PWWP2A: variants seen among roughly 807,000 people sequenced by gnomAD.
PWWP2A encodes the protein PWWP domain-containing protein 2A.
A neutral mutation model predicts 48.5 loss-of-function variants in PWWP2A; 18 were observed. That is an observed-to-expected ratio of 0.37 (90% confidence interval 0.26 to 0.55). The LOEUF is 0.55. Ranked by LOEUF, PWWP2A falls within the 20% of genes least tolerant of loss-of-function variation. The pLI, the probability that PWWP2A is intolerant of heterozygous loss-of-function variation, is 0.81. For synonymous variants in PWWP2A, 396 were observed against 387.7 expected, an observed-to-expected ratio of 1.02 and a Z score of -0.25; for missense variants, 867 against 976.4, an observed-to-expected ratio of 0.89 and a Z score of 1.49.
chr5:160,090,225 T>A, downstream of PWWP2A: 5 of 985,416 alleles, frequency 5.1e-6, no homozygotes, highest in Non-Finnish European at 6.0e-6. Flanking sequence ...ATTTGGTTTA[T>A]GCCACAACAG....
At chr5:160,110,365 T>C (rs939746430) in intron 1 of PWWP2A, among the ~76,000 whole-genome samples, 1 of 152,098 alleles carries the variant, frequency 6.6e-6, no homozygotes, top group Admixed American at 6.6e-5. Flanking sequence ...TTATTTCAGG[T>C]GTAATAATGG....
chr5:160,085,116 C>CTT lies in PWWP2A; in HGVS notation c.1550-4347_1550-4346insAA, dbSNP rs1754527139. 2.6e-5 allele frequency among the ~76,000 whole-genome samples: 4 copies of CTT among 152,132 alleles called. No individual in the cohort carries two copies. In the South Asian group the frequency reaches 8.3e-4, roughly 32 times the overall value. ...CAATCTTGGCTCACTGCAACCTCTG[C>CTT]CTCCTGGGTTCAAGTGATTCTCCTG... On this transcript the variant is annotated intron_variant, in intron 2 of 3. Coordinates refer to the PWWP2A transcript ENST00000456329.
downstream of PWWP2A, among the ~76,000 whole-genome samples, chr5:160,088,338 T>C (rs1285895777): frequency 6.6e-6 from 1 of 152,220 alleles, no homozygotes; most frequent in Admixed American, 6.5e-5. Context: ...GTTCAAGCAA[T>C]TCTCCTGACT....
At chr5:160,080,768 G>T in exon 3 of PWWP2A, 1 of 1,538,124 alleles carries the variant, frequency 6.5e-7, no homozygotes, top group South Asian at 1.2e-5. Flanking sequence ...CATTTGTTGA[G>T]ACCTATGGTA....
chr5:160,089,624 A>C, downstream of PWWP2A: 3 of 1,288,790 alleles, frequency 2.3e-6, no homozygotes, highest in Non-Finnish European at 3.0e-6. Flanking sequence ...GAAAGTAAAA[A>C]GGGAAAAATA....
downstream of PWWP2A, chr5:160,091,336 T>G: frequency 1.0e-6 from 1 of 978,672 alleles, no homozygotes; most frequent in Non-Finnish European, 1.2e-6. Context: ...CACACACAAA[T>G]AATTTGGATT....
Position 160,092,118 on chromosome 5 carries a change from T to C in PWWP2A, c.*264A>G. The C allele has an allele frequency of 1.7e-6, 2 of 1,175,356 alleles. No individual in the cohort carries two copies. The highest frequency in any genetic ancestry group is 2.1e-6 in the Non-Finnish European group (2 of 949,802). 72.8% of individuals were successfully genotyped at this position (1,175,356 alleles called of 1,614,324 possible). On this transcript the variant is annotated 3_prime_UTR_variant, in exon 2 of 2. Transcript: ENST00000307063. The stretch of plus-strand genomic sequence containing the variant: ...ACAAAAATTCAATTTCAGTTGAGGC[T>C]ATGGCTCCTATGCCTTGGGATGGTT...
At position 160,093,264 on chromosome 5, in the gene PWWP2A, A is replaced by G. The variant is rs750138485; in HGVS notation, c.1386T>C (p.Tyr462=). Residue 462 remains tyrosine, a synonymous_variant, in exon 2 of 2, where the codon TAT becomes TAC. Coordinates refer to ENST00000307063, the MANE Select transcript of PWWP2A (RefSeq NM_001130864.2). This position sits in a 1 kb window ranked among gnomAD's most constrained non-coding sequence, Gnocchi z 5.8. ...GAAGGGAACCTGAGCTAGGATTCTG[A>G]TATCGACGTGTGAAATGGACTTTTG... The part of the protein sequence containing the change: ...AHSKVHFTRR[Y]QNPSSGSLPP... 2.5e-6 allele frequency: 4 copies of G among 1,613,980 alleles called. No homozygotes were observed. Among genetic ancestry groups the G allele is most frequent in the Non-Finnish European group, 2.5e-6 (3 of 1,179,882 alleles).
chr5:160,113,090 G>A (rs1757758904), intron 1 of PWWP2A: 1 of 259,060 alleles, frequency 3.9e-6, no homozygotes, highest in African/African-American at 2.3e-5. Flanking sequence ...CCACGGAGAT[G>A]GAGGTTGCAG....
At chr5:160,098,656 C>T (rs2546961) in intron 1 of PWWP2A, among the ~76,000 whole-genome samples, 102,231 of 152,146 alleles carry the variant, frequency 0.67, 34,380 homozygotes, top group East Asian at 0.73. Context: ...AGATGTAAAA[C>T]AGATTTTCTA....
intron 1 of PWWP2A, chr5:160,113,362 C>T (rs1403908754): frequency 4.1e-6 from 4 of 981,226 alleles, no homozygotes; most frequent in Non-Finnish European, 4.8e-6. Context: ...GGAGGGGAAG[C>T]ATTTCAAATG....
intron 1 of PWWP2A, among the ~76,000 whole-genome samples, chr5:160,109,851 T>G (rs1279301529): frequency 8.6e-6 from 1 of 116,110 alleles, no homozygotes; most frequent in African/African-American, 3.0e-5. Flanking sequence ...ATCCAGAATG[T>G]AAAAAATTCT....
In PWWP2A at chr5:160,094,013, C is replaced by T; in HGVS notation, c.637G>A (p.Asp213Asn). 6.2e-7 allele frequency: 1 copy of T among 1,613,894 alleles called. No individual in the cohort carries two copies. Among genetic ancestry groups the T allele is most frequent in the Non-Finnish European group, 8.5e-7 (1 of 1,179,814 alleles). Reference protein sequence around the residue: ...VTVFPKREYKDKPEAMPLQSN... With the variant: ...VTVFPKREYKNKPEAMPLQSN... ...TGGAGCGGCATGGCTTCTGGTTTATCCTTATATTCCCTTTTGGGAAATACT... is the reference window on the plus strand; with the variant it reads ...TGGAGCGGCATGGCTTCTGGTTTATTCTTATATTCCCTTTTGGGAAATACT... Residue 213 changes from aspartate to asparagine, a missense_variant, in exon 2 of 2, where the codon GAT (aspartate) becomes AAT (asparagine). Asp to Asn is a conservative substitution (Grantham distance 23). This residue lies in a region of PWWP2A where 385 missense variants were observed against 396.9 expected (regional missense o/e 0.97). Transcript: ENST00000307063.
chr5:160,110,102 C>T (rs1757404990), intron 1 of PWWP2A, among the ~76,000 whole-genome samples: 1 of 151,260 alleles, frequency 6.6e-6, no homozygotes, highest in Non-Finnish European at 1.5e-5. Context: ...CTCACTGCAG[C>T]CTCCGCCTCC....
intron 1 of PWWP2A, among the ~76,000 whole-genome samples, chr5:160,104,455 G>A (rs1028485661): frequency 1.3e-5 from 2 of 151,970 alleles, no homozygotes; most frequent in African/African-American, 4.8e-5. Context: ...GACAGAGAGA[G>A]AGGCTAGTGA....
chr5:160,102,186 C>T (rs1756386126), intron 1 of PWWP2A, among the ~76,000 whole-genome samples: 1 of 150,242 alleles, frequency 6.7e-6, no homozygotes, highest in Non-Finnish European at 1.5e-5. Context: ...GCAGGTGGAT[C>T]ACCTGAGGTC....
At chr5:160,097,205 T>G (rs538733716) in intron 1 of PWWP2A, among the ~76,000 whole-genome samples, 1 of 150,660 alleles carries the variant, frequency 6.6e-6, no homozygotes, top group South Asian at 2.1e-4. Context: ...GGTGTGGGGG[T>G]ATGTACCTGT....
At chr5:160,097,336 CAAAAAAAAAAAAAAAAAA>C (rs70987999) in intron 1 of PWWP2A, among the ~76,000 whole-genome samples, 1 of 34,364 alleles carries the variant, frequency 2.9e-5, no homozygotes, top group Non-Finnish European at 5.0e-5. Context: ...GCCTTTGTCT[CAAAAAAAAAAAAAAAAAA>C]AAAAAAAAAA....
chr5:160,103,084 C>T (rs1169813138), intron 1 of PWWP2A, among the ~76,000 whole-genome samples: 2 of 152,262 alleles, frequency 1.3e-5, no homozygotes, highest in Middle Eastern at 3.4e-3. Flanking sequence ...AGAATGATGT[C>T]TTCAACTCAG....
Sources: gnomAD v4.1 joint callset for allele counts (sites outside exome capture counted in the v4.1 genomes callset) on GRCh38, gnomAD v4.1.1 for gene constraint, gnomAD v4.1.1 regional missense constraint, Gnocchi (gnomAD v3.1) non-coding constraint, MANE v1.5 for transcripts, NCBI Gene and HGNC (gene_info 2026-07-23, HGNC 2026-07-21) for gene names.